The following NRG3 variants were observed in gnomAD, a reference collection of about 807,000 sequenced individuals.
NRG3 encodes pro-neuregulin-3, membrane-bound isoform.
Under a neutral mutation model 66.9 loss-of-function variants are expected in NRG3, and 31 were observed. That is an observed-to-expected ratio of 0.46 (90% CI 0.35 to 0.63). The LOEUF (loss-of-function observed/expected upper bound fraction) is 0.63, where lower values mean the gene tolerates loss of function less well. NRG3 is among the 20% of genes least tolerant of loss of function. NRG3 has a pLI of 0.00. For missense variants in NRG3, 910 were observed against 878.9 expected (o/e 1.04, Z -0.45); for synonymous variants, 393 against 359.4 (o/e 1.09, Z -1.06).
intron 2 of NRG3, among the ~76,000 whole-genome samples, chr10:82,658,272 C>T: frequency 6.6e-6 from 1 of 152,138 alleles, no homozygotes; most frequent in East Asian, 1.9e-4. Context: ...CATTGTAATT[C>T]AGTATATGTA....
At chr10:82,952,638 A>G (rs988728540) in intron 5 of NRG3, among the ~76,000 whole-genome samples, 2 of 151,672 alleles carry the variant, frequency 1.3e-5, no homozygotes, top group African/African-American at 2.4e-5. Flanking sequence ...AGAATTTTGC[A>G]CAGATTTGGT....
intron 4 of NRG3, among the ~76,000 whole-genome samples, chr10:82,873,622 A>C (rs541060492): frequency 6.6e-6 from 1 of 152,202 alleles, no homozygotes; most frequent in Non-Finnish European, 1.5e-5. Context: ...GGTCCTTTTG[A>C]GCTATTTGTT....
chr10:82,925,424 C>T (rs1923562), intron 4 of NRG3, among the ~76,000 whole-genome samples: 57,577 of 152,106 alleles, frequency 0.38, 11,748 homozygotes, highest in Middle Eastern at 0.48. Flanking sequence ...GGTCCCAGCA[C>T]TGTTGAAAGG....
intron 1 of NRG3, among the ~76,000 whole-genome samples, chr10:81,980,220 A>G (rs773923531): frequency 6.7e-6 from 1 of 149,564 alleles, no homozygotes; most frequent in Non-Finnish European, 1.5e-5. Context: ...TTTTTGGTTG[A>G]TCATGAATTA....
At chr10:82,232,457 C>T (rs2076530597) in intron 1 of NRG3, 1 of 301,560 alleles carries the variant, frequency 3.3e-6, no homozygotes, top group Non-Finnish European at 6.5e-6. Context: ...CATCCCCACT[C>T]CCTCTGTGTT....
chr10:82,695,401 A>G (rs1199739563), intron 2 of NRG3, among the ~76,000 whole-genome samples: 1 of 152,156 alleles, frequency 6.6e-6, no homozygotes, highest in Non-Finnish European at 1.5e-5. Context: ...CAAAGGAACA[A>G]TAGTCACGGA....
chr10:82,489,200 C>T lies in NRG3; in HGVS notation c.953+130332C>T, dbSNP rs538220265. ...GATGTGAATGCAGAGCTAGTTGATT[C>T]GGAAATGGGTGCTTTAATAATACTA... On this transcript the variant is annotated intron_variant, in intron 2 of 8. Coordinates refer to ENST00000372141, the MANE Select transcript of NRG3 (RefSeq NM_001010848.4). Among the ~76,000 whole-genome samples the T allele has an allele frequency of 5.9e-5, 9 of 152,286 alleles. No individual in the cohort carries two copies. The South Asian group carries it at 8.3e-4, about 14-fold the overall frequency.
intron 4 of NRG3, among the ~76,000 whole-genome samples, chr10:82,891,709 T>A (rs1843164286): frequency 6.6e-6 from 1 of 152,082 alleles, no homozygotes; most frequent in African/African-American, 2.4e-5. Context: ...TATAAAATCA[T>A]GTCATCTGAA....
intron 2 of NRG3, among the ~76,000 whole-genome samples, chr10:82,492,823 G>C (rs1843271609): frequency 6.6e-6 from 1 of 152,180 alleles, no homozygotes; most frequent in Non-Finnish European, 1.5e-5. Context: ...TTATCACAAA[G>C]GTCAGTGATC....
intron 2 of NRG3, among the ~76,000 whole-genome samples, chr10:82,674,423 CCTAT>C (rs1317280208): frequency 3.3e-5 from 5 of 151,974 alleles, no homozygotes; most frequent in Non-Finnish European, 5.9e-5. Context: ...GTTCATCTGG[CCTAT>C]CTTTTTAATC....
At chr10:82,470,782 A>G (rs767824574) in intron 2 of NRG3, among the ~76,000 whole-genome samples, 1 of 152,158 alleles carries the variant, frequency 6.6e-6, no homozygotes, top group East Asian at 1.9e-4. Context: ...TGTTGTTTCC[A>G]GAAACAAGTC....
intron 1 of NRG3, among the ~76,000 whole-genome samples, chr10:82,314,856 G>T (rs561907349): frequency 1.3e-5 from 2 of 151,976 alleles, no homozygotes; most frequent in African/African-American, 4.8e-5. Context: ...AAGAGTTCAC[G>T]GGAGGTAAGC....
At chr10:82,238,592 C>G (rs1434522761) in intron 1 of NRG3, among the ~76,000 whole-genome samples, 4 of 152,006 alleles carry the variant, frequency 2.6e-5, no homozygotes, top group South Asian at 2.1e-4. Context: ...CTCCCCCTAC[C>G]CTTTTCCCCA....
chr10:81,960,119 C>T (rs1850211834), intron 1 of NRG3, among the ~76,000 whole-genome samples: 1 of 152,070 alleles, frequency 6.6e-6, no homozygotes, highest in African/African-American at 2.4e-5. Flanking sequence ...GGTTGCGGCA[C>T]ATGTTCTATT....
At chr10:81,993,237 T>C (rs2060807139) in intron 1 of NRG3, among the ~76,000 whole-genome samples, 1 of 152,218 alleles carries the variant, frequency 6.6e-6, no homozygotes, top group Non-Finnish European at 1.5e-5. Flanking sequence ...AGGAAAGATA[T>C]AGTCTACTGT....
chr10:82,927,515 C>A (rs989253201), intron 4 of NRG3, among the ~76,000 whole-genome samples: 1 of 152,022 alleles, frequency 6.6e-6, no homozygotes, highest in Admixed American at 6.6e-5. Context: ...CCTGACAGGC[C>A]CTGGTGTGTG....
At chr10:82,524,010 A>G (rs1433845607) in intron 2 of NRG3, among the ~76,000 whole-genome samples, 1 of 152,094 alleles carries the variant, frequency 6.6e-6, no homozygotes, top group East Asian at 1.9e-4. Flanking sequence ...TTACTGAGTT[A>G]AAATGTAGAG....
intron 3 of NRG3, among the ~76,000 whole-genome samples, chr10:82,840,497 A>G (rs1475048540): frequency 1.3e-5 from 2 of 152,164 alleles, no homozygotes; most frequent in African/African-American, 2.4e-5. Flanking sequence ...GAGGCTTGCA[A>G]TGTACTGTAT....
At chr10:82,462,348 T>C (rs1311905704) in intron 2 of NRG3, among the ~76,000 whole-genome samples, 5 of 151,980 alleles carry the variant, frequency 3.3e-5, no homozygotes, top group South Asian at 4.2e-4. Flanking sequence ...TCTCTGCTGC[T>C]CTACCTTTAT....
Sources: gnomAD v4.1 joint callset for allele counts (sites outside exome capture counted in the v4.1 genomes callset) on GRCh38, gnomAD v4.1.1 for gene constraint, MANE v1.5 for transcripts, NCBI Gene and HGNC (gene_info 2026-07-23, HGNC 2026-07-21) for gene names.